ZNF618: variants seen among roughly 807,000 people sequenced by gnomAD.
ZNF618 encodes the protein zinc finger protein 618.
Under a neutral mutation model 103.0 loss-of-function variants are expected in ZNF618, and 34 were observed. The ratio of observed to expected loss-of-function variants is 0.33; its 90% confidence interval spans 0.25 to 0.44. The LOEUF is 0.44. Among genes scored for constraint, ZNF618 ranks in the 20% least tolerant of loss-of-function variants. The pLI is 1.00. For synonymous variants in ZNF618, 551 were observed against 542.2 expected (o/e 1.02, Z -0.23); for missense variants, 1,059 against 1,295.4 (o/e 0.82, Z 2.80).
rs201717717 is a variant in ZNF618, at chr9:113,984,111, T to C, written c.78-4210T>C. Among the ~76,000 whole-genome samples, 5 of 152,270 alleles carry C rather than the reference T, an allele frequency of 3.3e-5. No homozygotes were observed. The East Asian group carries it at 9.7e-4, about 29-fold the overall frequency. The stretch of plus-strand genomic sequence containing the variant: ...GTTTGGTGAGCCAGTGTACAAAGCA[T>C]TTTCAGGTAACAGGGCTGCAAAGGA... On this transcript the variant is annotated intron_variant, in intron 2 of 14. Transcript: ENST00000374126.
chr9:113,900,872 A>G (rs35384287), intron 1 of ZNF618, among the ~76,000 whole-genome samples: 6 of 57,924 alleles, frequency 1.0e-4, no homozygotes, highest in Admixed American at 1.8e-4. Context: ...CCTCTCCCGC[A>G]AACCCGACCT....
At chr9:114,037,692 C>T (rs1271201999) in intron 13 of ZNF618, among the ~76,000 whole-genome samples, 3 of 152,218 alleles carry the variant, frequency 2.0e-5, no homozygotes, top group South Asian at 4.1e-4. Flanking sequence ...TAGAGTATTA[C>T]AGGACTAGAA....
intron 1 of ZNF618, among the ~76,000 whole-genome samples, chr9:113,877,601 A>G (rs1828078078): frequency 6.6e-6 from 1 of 152,062 alleles, no homozygotes; most frequent in Admixed American, 6.5e-5. Context: ...GAAACTAGAA[A>G]AGTTACAGTG....
At chr9:113,880,727 C>G (rs74567057) in intron 1 of ZNF618, among the ~76,000 whole-genome samples, 1 of 152,080 alleles carries the variant, frequency 6.6e-6, no homozygotes, top group African/African-American at 2.4e-5. Context: ...GGTGAGTATC[C>G]TCTCATGAAA....
At chr9:113,979,137 A>C (rs910424093) in intron 2 of ZNF618, among the ~76,000 whole-genome samples, 3 of 152,144 alleles carry the variant, frequency 2.0e-5, no homozygotes, top group Admixed American at 2.0e-4. Context: ...ACCATATGGA[A>C]TTAATTAGAG....
chr9:113,944,559 T>C (rs943962735), intron 1 of ZNF618, among the ~76,000 whole-genome samples: 1 of 152,214 alleles, frequency 6.6e-6, no homozygotes, highest in South Asian at 2.1e-4. Flanking sequence ...ATTACAGGCA[T>C]GAGCCACTGT....
At chr9:113,886,092 C>T (rs1564128261) in intron 1 of ZNF618, among the ~76,000 whole-genome samples, 2 of 152,130 alleles carry the variant, frequency 1.3e-5, no homozygotes, top group East Asian at 1.9e-4. Context: ...TGGTGTCTCC[C>T]CCAGGGGTGG....
intron 12 of ZNF618, chr9:114,035,322 G>GGA: frequency 1.1e-6 from 1 of 916,946 alleles, no homozygotes; most frequent in Non-Finnish European, 1.3e-6. Flanking sequence ...GGAGCCTCCA[G>GGA]GCTGTGTGAG....
chr9:113,998,676 T>G (rs954422602), intron 4 of ZNF618, among the ~76,000 whole-genome samples: 4 of 152,204 alleles, frequency 2.6e-5, no homozygotes, highest in Non-Finnish European at 4.4e-5. Context: ...GCCAAATGTG[T>G]TTGGGAGACC....
chr9:113,879,836 T>C (rs1281314805), intron 1 of ZNF618, among the ~76,000 whole-genome samples: 1 of 152,074 alleles, frequency 6.6e-6, no homozygotes, highest in Admixed American at 6.5e-5. Context: ...AAGGGCCTGC[T>C]TTATAGTTTG....
At chr9:113,926,038 T>G (rs1833056688) in intron 1 of ZNF618, among the ~76,000 whole-genome samples, 1 of 152,200 alleles carries the variant, frequency 6.6e-6, no homozygotes, top group African/African-American at 2.4e-5. Flanking sequence ...CTTTTAAAAA[T>G]ATTTCCTGCA....
Position 114,010,679 on chromosome 9 carries a change from G to A in ZNF618, c.754+2125G>A, listed in dbSNP as rs147133570. Among the ~76,000 whole-genome samples, 803 of 152,302 alleles carry A rather than the reference G, an allele frequency of 5.3e-3. 8 individuals carry two copies. Among genetic ancestry groups the A allele is most frequent in the Middle Eastern group, 0.02 (6 of 294 alleles). On this transcript the variant is annotated intron_variant, in intron 9 of 14. Coordinates refer to ENST00000374126, the MANE Select transcript of ZNF618 (RefSeq NM_001318042.2). ...AGATTGCACCACTGCACTCCAGCCT[G>A]GTGACAGAGCAAGACTCCATCTCAA...
chr9:113,969,565 C>T (rs1457465231), intron 2 of ZNF618, among the ~76,000 whole-genome samples: 1 of 152,226 alleles, frequency 6.6e-6, no homozygotes, highest in Non-Finnish European at 1.5e-5. Flanking sequence ...CTTCACCAGT[C>T]ATGCCAAAGC....
intron 1 of ZNF618, among the ~76,000 whole-genome samples, chr9:113,883,388 C>A (rs1205721245): frequency 6.6e-6 from 1 of 152,178 alleles, no homozygotes; most frequent in Admixed American, 6.5e-5. Context: ...ATGGGGGACC[C>A]CCAGATGCCT....
At chr9:114,027,509 A>G (rs1261660917) in intron 10 of ZNF618, among the ~76,000 whole-genome samples, 1 of 152,236 alleles carries the variant, frequency 6.6e-6, no homozygotes, top group Non-Finnish European at 1.5e-5. Context: ...GTGGTAAATG[A>G]AGGACCATAG....
chr9:113,962,724 A>G (rs1041114166), intron 1 of ZNF618, among the ~76,000 whole-genome samples: 28 of 151,628 alleles, frequency 1.8e-4, no homozygotes, highest in African/African-American at 6.3e-4. Context: ...CTACCCAACT[A>G]CCCTACTTAA....
At chr9:113,994,656 G>A (rs982164507) in intron 3 of ZNF618, among the ~76,000 whole-genome samples, 2 of 152,182 alleles carry the variant, frequency 1.3e-5, no homozygotes, top group African/African-American at 4.8e-5. Flanking sequence ...GCAGAGTGAC[G>A]TAATAGGTAT....
chr9:113,951,108 C>T (rs927600767), intron 1 of ZNF618, among the ~76,000 whole-genome samples: 3 of 151,102 alleles, frequency 2.0e-5, no homozygotes, highest in Non-Finnish European at 2.9e-5. Flanking sequence ...GGCTAGAAGG[C>T]CAGTTGGAGG....
At chr9:113,983,564 T>C (rs1257436965) in intron 2 of ZNF618, among the ~76,000 whole-genome samples, 1 of 152,144 alleles carries the variant, frequency 6.6e-6, no homozygotes, top group African/African-American at 2.4e-5. Flanking sequence ...GTCACGCAGC[T>C]GCAGCTGTAT....
Sources: gnomAD v4.1 joint callset for allele counts (sites outside exome capture counted in the v4.1 genomes callset) on GRCh38, gnomAD v4.1.1 for gene constraint, MANE v1.5 for transcripts, NCBI Gene and HGNC (gene_info 2026-07-23, HGNC 2026-07-21) for gene names.